ROBO1: variants seen among roughly 807,000 people sequenced by gnomAD.
The protein encoded by ROBO1 is roundabout guidance receptor 1, also known as roundabout homolog 1.
ROBO1 carries 149 observed loss-of-function variants against 195.9 expected under a neutral mutation model. The ratio of observed to expected loss-of-function variants is 0.76; its 90% confidence interval spans 0.67 to 0.87. The LOEUF is 0.87. Among genes scored for constraint, ROBO1 ranks in the 40% least tolerant of loss-of-function variants. The pLI, the probability that ROBO1 is intolerant of heterozygous loss-of-function variation, is 0.00. For synonymous variants in ROBO1, 816 were observed against 733.2 expected (o/e 1.11, Z -1.82); for missense variants, 1,933 against 2,068.3 (o/e 0.93, Z 1.27).
At chr3:79,218,800 C>A (rs1045864343) in intron 2 of ROBO1, among the ~76,000 whole-genome samples, 4 of 151,892 alleles carry the variant, frequency 2.6e-5, no homozygotes, top group Non-Finnish European at 4.4e-5. Flanking sequence ...TACACAGACA[C>A]TTCTATTTAT....
At chr3:78,872,495 T>C (rs1203262072) in intron 4 of ROBO1, among the ~76,000 whole-genome samples, 2 of 152,236 alleles carry the variant, frequency 1.3e-5, no homozygotes, top group Admixed American at 6.5e-5. Flanking sequence ...AGAATTTTTT[T>C]TATTGTTACA....
chr3:79,634,842 G>GT (rs1251895995), intron 1 of ROBO1, among the ~76,000 whole-genome samples: 2 of 152,082 alleles, frequency 1.3e-5, no homozygotes, highest in African/African-American at 4.8e-5. Context: ...ATTTAACCAT[G>GT]TTTTGTCTTC....
At chr3:78,882,020 C>T (rs1391976244) in intron 4 of ROBO1, among the ~76,000 whole-genome samples, 1 of 151,878 alleles carries the variant, frequency 6.6e-6, no homozygotes, top group Non-Finnish European at 1.5e-5. Context: ...GTTTATGTAC[C>T]TTGGAGCCTT....
intron 4 of ROBO1, among the ~76,000 whole-genome samples, chr3:78,912,240 G>T (rs908064950): frequency 2.0e-5 from 3 of 152,158 alleles, no homozygotes; most frequent in African/African-American, 7.2e-5. Flanking sequence ...GCCACGAGCT[G>T]CATTTTTATA....
intron 2 of ROBO1, among the ~76,000 whole-genome samples, chr3:79,228,557 A>G (rs2108845116): frequency 6.6e-6 from 1 of 152,232 alleles, no homozygotes; most frequent in South Asian, 2.1e-4. Context: ...GAGATTTTTA[A>G]AAAACCTGTT....
At chr3:78,783,939 A>G (rs997692906) in intron 4 of ROBO1, among the ~76,000 whole-genome samples, 2 of 152,200 alleles carry the variant, frequency 1.3e-5, no homozygotes, top group Non-Finnish European at 2.9e-5. Flanking sequence ...CTTGAGAAAT[A>G]TAAAACATTA....
intron 1 of ROBO1, among the ~76,000 whole-genome samples, chr3:79,716,462 A>T (rs764249904): frequency 6.6e-6 from 1 of 151,904 alleles, no homozygotes; most frequent in Non-Finnish European, 1.5e-5. Flanking sequence ...GTATATTTTC[A>T]TTTTTATTAA....
intron 21 of ROBO1, among the ~76,000 whole-genome samples, chr3:78,643,147 A>C (rs746433884): frequency 2.0e-4 from 30 of 152,196 alleles, no homozygotes; most frequent in Non-Finnish European, 2.8e-4. Flanking sequence ...GAGTTGCCAA[A>C]CGTTTTTGGT....
intron 8 of ROBO1, among the ~76,000 whole-genome samples, chr3:78,692,037 T>C (rs906070399): frequency 1.3e-5 from 2 of 151,272 alleles, no homozygotes; most frequent in Admixed American, 6.6e-5. Flanking sequence ...TTATATAATA[T>C]AGATTATATA....
intron 2 of ROBO1, among the ~76,000 whole-genome samples, chr3:79,458,642 C>T (rs1450282117): frequency 1.3e-5 from 2 of 151,602 alleles, no homozygotes; most frequent in South Asian, 2.1e-4. Context: ...TATATGGAGA[C>T]GAGGACCTTC....
intron 5 of ROBO1, among the ~76,000 whole-genome samples, chr3:78,736,582 C>T (rs368291753): frequency 1.1e-4 from 16 of 152,118 alleles, no homozygotes; most frequent in African/African-American, 3.9e-4. Flanking sequence ...TCTCATATAT[C>T]GGTATACCAA....
chr3:79,294,924 C>T (rs754568491), intron 2 of ROBO1, among the ~76,000 whole-genome samples: 10 of 152,076 alleles, frequency 6.6e-5, no homozygotes, highest in Non-Finnish European at 1.3e-4. Flanking sequence ...GTTAGAATGG[C>T]GATCATTAAA....
At chr3:79,687,037 G>C (rs529435289) in intron 1 of ROBO1, among the ~76,000 whole-genome samples, 41 of 152,230 alleles carry the variant, frequency 2.7e-4, no homozygotes, top group African/African-American at 8.7e-4. Flanking sequence ...CAATGGAACA[G>C]AACAGAGCCC....
intron 8 of ROBO1, among the ~76,000 whole-genome samples, chr3:78,697,157 C>A (rs144604007): frequency 8.6e-5 from 13 of 151,330 alleles, no homozygotes; most frequent in Non-Finnish European, 7.4e-5. Flanking sequence ...GTTTTGAAAT[C>A]TTCTATGTAC....
chr3:79,702,122 TA>T (rs1472270242), intron 1 of ROBO1, among the ~76,000 whole-genome samples: 1 of 151,730 alleles, frequency 6.6e-6, no homozygotes, highest in African/African-American at 2.4e-5. Flanking sequence ...ACTAGTGATA[TA>T]AAAATCACAC....
At chr3:79,159,277 T>A (rs908478428) in intron 2 of ROBO1, among the ~76,000 whole-genome samples, 72 of 152,024 alleles carry the variant, frequency 4.7e-4, no homozygotes, top group Non-Finnish European at 3.2e-4. Flanking sequence ...AATACTATAA[T>A]ATCAATTTTA....
intron 1 of ROBO1, among the ~76,000 whole-genome samples, chr3:79,689,688 A>G (rs1477708799): frequency 2.0e-5 from 3 of 151,634 alleles, no homozygotes; most frequent in African/African-American, 7.3e-5. Flanking sequence ...TTTTCCATCT[A>G]TAATTCTATT....
intron 1 of ROBO1, among the ~76,000 whole-genome samples, chr3:79,607,326 GA>G (rs1165210447): frequency 2.6e-5 from 4 of 151,136 alleles, no homozygotes; most frequent in African/African-American, 9.7e-5. Context: ...ATAGTGACCT[GA>G]AAATTAAACA....
At chr3:79,717,759 T>C (rs1702547540) in intron 1 of ROBO1, among the ~76,000 whole-genome samples, 1 of 151,994 alleles carries the variant, frequency 6.6e-6, no homozygotes, top group Admixed American at 6.6e-5. Context: ...TCTGAAAAAC[T>C]TTAGAGAAAG....
Sources: allele counts gnomAD v4.1 joint callset (sites outside exome capture counted in the v4.1 genomes callset), GRCh38; gene constraint gnomAD v4.1.1; transcripts MANE v1.5; gene names NCBI Gene and HGNC (gene_info 2026-07-23, HGNC 2026-07-21).